PSMA1: variants seen among roughly 807,000 people sequenced by gnomAD.
PSMA1 encodes the protein proteasome 20S subunit alpha 1, also known as proteasome subunit alpha type-1.
Under a neutral mutation model 38.4 loss-of-function variants are expected in PSMA1, and 3 were observed. The ratio of observed to expected loss-of-function variants is 0.08; its 90% CI spans 0.04 to 0.20. PSMA1 has a LOEUF of 0.20. Ranked by LOEUF, PSMA1 falls within the 10% of genes least tolerant of loss-of-function variation. The probability of loss-of-function intolerance (pLI) is 1.00; values close to 1 mark genes in which losing one functional copy is unlikely to be tolerated. For missense variants in PSMA1, 227 were observed against 325.3 expected (o/e 0.70, Z 2.32); for synonymous variants, 101 against 107.1 (o/e 0.94, Z 0.35).
intron 2 of PSMA1, among the ~76,000 whole-genome samples, chr11:14,584,980 C>A (rs944866859): frequency 6.6e-6 from 1 of 152,212 alleles, no homozygotes; most frequent in Non-Finnish European, 1.5e-5. Context: ...CAGTAACCCT[C>A]AGAGTAAGAT....
At chr11:14,507,837 G>T in intron 8 of PSMA1, 71 bp from the exon 9 acceptor site, 2 of 997,800 alleles carry the variant, frequency 2.0e-6, no homozygotes, top group Non-Finnish European at 3.0e-6. Flanking sequence ...TAAAATATTG[G>T]GTGAAAAAAG....
At chr11:14,526,126 C>A (rs913495147) in intron 2 of PSMA1, among the ~76,000 whole-genome samples, 8 of 152,184 alleles carry the variant, frequency 5.3e-5, no homozygotes, top group African/African-American at 1.7e-4. Flanking sequence ...CAAACCCCAA[C>A]ACCTACAAAA....
intron 4 of PSMA1, among the ~76,000 whole-genome samples, chr11:14,515,153 T>C (rs1003559179): frequency 6.6e-6 from 1 of 152,226 alleles, no homozygotes; most frequent in African/African-American, 2.4e-5. Flanking sequence ...GTATGTCACA[T>C]CTGATCATCA....
intron 2 of PSMA1, among the ~76,000 whole-genome samples, chr11:14,531,044 G>T (rs1161794422): frequency 6.6e-6 from 1 of 152,032 alleles, no homozygotes; most frequent in Admixed American, 6.6e-5. Flanking sequence ...GTTTTATCTG[G>T]AAATATTTAT....
intron 2 of PSMA1, among the ~76,000 whole-genome samples, chr11:14,565,879 T>TTGTAGA (rs1852064736): frequency 1.3e-5 from 2 of 152,196 alleles, no homozygotes; most frequent in South Asian, 2.1e-4. Flanking sequence ...TCCACCACAG[T>TTGTAGA]TGTAGAATAA....
intron 2 of PSMA1, among the ~76,000 whole-genome samples, chr11:14,539,143 A>C (rs1851744178): frequency 6.6e-6 from 1 of 152,238 alleles, no homozygotes; most frequent in Non-Finnish European, 1.5e-5. Flanking sequence ...ACTTGAAGGC[A>C]ACATTTCTCT....
chr11:14,506,681 T>C (rs1431692765), intron 9 of PSMA1, among the ~76,000 whole-genome samples: 1 of 152,216 alleles, frequency 6.6e-6, no homozygotes, highest in Admixed American at 6.5e-5. Flanking sequence ...TCTCCCAGTC[T>C]CTGCTCAAAC....
intron 9 of PSMA1, 70 bp from the exon 10 acceptor site, chr11:14,505,318 A>G (rs1851228053): frequency 1.6e-6 from 2 of 1,256,506 alleles, no homozygotes; most frequent in Non-Finnish European, 2.3e-6. Flanking sequence ...CTAATCACAA[A>G]TATTACGTTA....
At chr11:14,620,244 CCT>C (rs1445145237) in intron 1 of PSMA1, among the ~76,000 whole-genome samples, 2 of 152,192 alleles carry the variant, frequency 1.3e-5, no homozygotes, top group African/African-American at 2.4e-5. Flanking sequence ...AGCCTGAACT[CCT>C]CTGTTTATTC....
At chr11:14,588,449 A>G (rs1372371300) in intron 2 of PSMA1, among the ~76,000 whole-genome samples, 2 of 152,166 alleles carry the variant, frequency 1.3e-5, no homozygotes, top group Non-Finnish European at 1.5e-5. Context: ...AAAACAATGC[A>G]AATTTTTGAG....
At chr11:14,595,347 G>T (rs1852473704) in intron 2 of PSMA1, among the ~76,000 whole-genome samples, 1 of 152,120 alleles carries the variant, frequency 6.6e-6, no homozygotes, top group African/African-American at 2.4e-5. Context: ...TTCTACAATG[G>T]TTGAACTAAT....
intron 1 of PSMA1, among the ~76,000 whole-genome samples, chr11:14,626,426 C>T (rs933744380): frequency 1.3e-5 from 2 of 152,116 alleles, no homozygotes; most frequent in Admixed American, 6.5e-5. Flanking sequence ...TTCTTGAAAC[C>T]GTATCTTATG....
intron 2 of PSMA1, among the ~76,000 whole-genome samples, chr11:14,562,681 G>C (rs1166611582): frequency 4.0e-5 from 6 of 151,104 alleles, no homozygotes; most frequent in Admixed American, 4.0e-4. Flanking sequence ...CTGGAGTGCA[G>C]GGGCATGATC....
At chr11:14,559,816 G>GAAATAGACT (rs1851988734) in intron 2 of PSMA1, among the ~76,000 whole-genome samples, 1 of 152,198 alleles carries the variant, frequency 6.6e-6, no homozygotes, top group Admixed American at 6.5e-5. Flanking sequence ...GAGTTCCCTA[G>GAAATAGACT]AAATAGACTC....
intron 2 of PSMA1, among the ~76,000 whole-genome samples, chr11:14,530,312 A>G (rs1410893786): frequency 6.6e-6 from 1 of 152,198 alleles, no homozygotes; most frequent in Non-Finnish European, 1.5e-5. Flanking sequence ...TAAGAGTTGC[A>G]AAAACAGTTC....
chr11:14,539,998 A>C (rs1369681148), intron 2 of PSMA1, among the ~76,000 whole-genome samples: 2 of 152,256 alleles, frequency 1.3e-5, no homozygotes, highest in South Asian at 4.1e-4. Flanking sequence ...TGCAGCATTT[A>C]GCCTGTAGTG....
intron 2 of PSMA1, among the ~76,000 whole-genome samples, chr11:14,561,471 C>T (rs1201737240): frequency 6.6e-6 from 1 of 152,230 alleles, no homozygotes; most frequent in Admixed American, 6.5e-5. Context: ...TTGGCTTTTG[C>T]AGTCAGCTGG....
chr11:14,594,348 G>A (rs1368295524), intron 2 of PSMA1, among the ~76,000 whole-genome samples: 1 of 151,288 alleles, frequency 6.6e-6, no homozygotes, highest in East Asian at 1.9e-4. Flanking sequence ...ACAGTGGGAA[G>A]TCCAAATAGA....
At chr11:14,630,864 A>G (rs1590016979) in intron 1 of PSMA1, among the ~76,000 whole-genome samples, 1 of 152,132 alleles carries the variant, frequency 6.6e-6, no homozygotes, top group African/African-American at 2.4e-5. Context: ...GTCTGTTCAG[A>G]GATTCAACTT....
Sources: allele counts gnomAD v4.1 joint callset (sites outside exome capture counted in the v4.1 genomes callset), GRCh38; gene constraint gnomAD v4.1.1; transcripts MANE v1.5; gene names NCBI Gene and HGNC (gene_info 2026-07-23, HGNC 2026-07-21).